SGCZ: variants seen among roughly 807,000 people sequenced by gnomAD.
SGCZ encodes zeta-sarcoglycan.
SGCZ carries 40 observed loss-of-function variants against 41.3 expected under a neutral mutation model. The ratio of observed to expected loss-of-function variants is 0.97; its 90% CI spans 0.75 to 1.26. The LOEUF (loss-of-function observed/expected upper bound fraction) is 1.26, where lower values mean the gene tolerates loss of function less well. Ranked by LOEUF, SGCZ falls within the 50% of genes most tolerant of loss-of-function variation. The pLI is 0.00. For missense variants in SGCZ, 552 were observed against 369.8 expected (o/e 1.49, Z -4.04); for synonymous variants, 206 against 137.5 (o/e 1.50, Z -3.49).
At chr8:14,994,401 C>CG (rs1802137441) in intron 1 of SGCZ, among the ~76,000 whole-genome samples, 1 of 152,010 alleles carries the variant, frequency 6.6e-6, no homozygotes, top group African/African-American at 2.4e-5. Context: ...CTGGACAACA[C>CG]GGTGAAACCC....
chr8:15,032,943 G>T (rs1196206203), intron 1 of SGCZ, among the ~76,000 whole-genome samples: 1 of 151,048 alleles, frequency 6.6e-6, no homozygotes, highest in Non-Finnish European at 1.5e-5. Flanking sequence ...AGCCCATTCA[G>T]TCCACATAAC....
intron 1 of SGCZ, among the ~76,000 whole-genome samples, chr8:14,738,845 A>G (rs1277660675): frequency 1.3e-5 from 2 of 151,998 alleles, no homozygotes; most frequent in South Asian, 2.1e-4. Context: ...CAGGACAGGG[A>G]GTAAGTGGAA....
rs368762128 is a variant in SGCZ at position 14,740,080 on chromosome 8, A to G, written c.40-185154T>C. The stretch of plus-strand genomic sequence containing the variant: ...ATTGGCAGCTAAAAACGTGAAGCAT[A>G]TAATAATAAAATGCATAAGTGATTG... On this transcript the variant is annotated intron_variant, in intron 1 of 7. Coordinates refer to ENST00000382080, the MANE Select transcript of SGCZ (RefSeq NM_139167.4). Among the ~76,000 whole-genome samples the G allele has an allele frequency of 1.1e-4, 16 of 152,156 alleles. No individual in the cohort carries two copies. The East Asian group carries it at 3.1e-3, about 29-fold the overall frequency.
At chr8:14,130,460 G>A (rs1355107707) in intron 5 of SGCZ, among the ~76,000 whole-genome samples, 5 of 151,330 alleles carry the variant, frequency 3.3e-5, no homozygotes, top group Non-Finnish European at 7.4e-5. Context: ...CTGACTAGGG[G>A]TTCCTGCCAT....
intron 1 of SGCZ, among the ~76,000 whole-genome samples, chr8:15,213,805 A>G (rs148585382): frequency 0.019 from 2,942 of 151,988 alleles, 34 homozygotes; most frequent in South Asian, 0.035. Context: ...ATTTATAATT[A>G]CTAGAATACT....
At chr8:14,297,453 C>T (rs192593893) in intron 3 of SGCZ, among the ~76,000 whole-genome samples, 1 of 151,008 alleles carries the variant, frequency 6.6e-6, no homozygotes, top group African/African-American at 2.4e-5. Context: ...GGAAAAGTAT[C>T]AAAAACAGAA....
chr8:15,139,708 A>C (rs559297295), intron 1 of SGCZ, among the ~76,000 whole-genome samples: 2 of 152,268 alleles, frequency 1.3e-5, no homozygotes, highest in Non-Finnish European at 2.9e-5. Flanking sequence ...TGTACATTAG[A>C]TCTCTAGACC....
At chr8:14,898,487 A>G (rs1283884794) in intron 1 of SGCZ, among the ~76,000 whole-genome samples, 2 of 152,228 alleles carry the variant, frequency 1.3e-5, no homozygotes, top group Non-Finnish European at 2.9e-5. Flanking sequence ...ATATTGGGCC[A>G]GGGACTGATA....
chr8:14,444,800 C>T, intron 2 of SGCZ, among the ~76,000 whole-genome samples: 1 of 151,970 alleles, frequency 6.6e-6, no homozygotes, highest in East Asian at 1.9e-4. Flanking sequence ...TACCCTAAAA[C>T]TTAAAGTATA....
intron 1 of SGCZ, among the ~76,000 whole-genome samples, chr8:15,001,405 A>C (rs1802414996): frequency 6.6e-6 from 1 of 152,102 alleles, no homozygotes; most frequent in East Asian, 1.9e-4. Flanking sequence ...AGGTATCTGA[A>C]TCAGTCGTGT....
chr8:15,110,793 A>G (rs1281589121), intron 1 of SGCZ, among the ~76,000 whole-genome samples: 3 of 152,030 alleles, frequency 2.0e-5, no homozygotes, highest in African/African-American at 7.2e-5. Flanking sequence ...ACATGGAGAA[A>G]CCCTGTCTCT....
intron 1 of SGCZ, among the ~76,000 whole-genome samples, chr8:15,190,358 A>G (rs1205261571): frequency 6.6e-6 from 1 of 152,054 alleles, no homozygotes; most frequent in African/African-American, 2.4e-5. Context: ...TCATTCATTC[A>G]TTCATTCATC....
chr8:15,017,636 G>T (rs1489131747), intron 1 of SGCZ, among the ~76,000 whole-genome samples: 1 of 151,982 alleles, frequency 6.6e-6, no homozygotes, highest in East Asian at 1.9e-4. Context: ...CTCCCATGTA[G>T]CTGGGACCAC....
At chr8:15,152,930 T>C (rs1585617871) in intron 1 of SGCZ, among the ~76,000 whole-genome samples, 1 of 152,200 alleles carries the variant, frequency 6.6e-6, no homozygotes, top group Non-Finnish European at 1.5e-5. Flanking sequence ...GTCTCCTGGG[T>C]AGAGGAAAGG....
At chr8:14,756,508 G>T (rs1459328345) in intron 1 of SGCZ, among the ~76,000 whole-genome samples, 1 of 152,042 alleles carries the variant, frequency 6.6e-6, no homozygotes, top group South Asian at 2.1e-4. Context: ...TTTGTTTCTT[G>T]TTCCCTTTTC....
At chr8:14,606,510 T>C (rs1329449473) in intron 1 of SGCZ, among the ~76,000 whole-genome samples, 1 of 152,190 alleles carries the variant, frequency 6.6e-6, no homozygotes, top group African/African-American at 2.4e-5. Flanking sequence ...CTCCGTCTTC[T>C]GGTATCCACC....
At position 14,245,306 on chromosome 8, in the gene SGCZ, C is replaced by A. The variant is rs958233861; in HGVS notation, c.337-7627G>T. Reference sequence around the variant, plus strand: ...AATAACGCCGCATATCTACAACTATCTGATCTTTGACAAACCTGACAAAAA... The same window carrying A: ...AATAACGCCGCATATCTACAACTATATGATCTTTGACAAACCTGACAAAAA... On this transcript the variant is annotated intron_variant, in intron 3 of 7. Coordinates refer to ENST00000382080, the MANE Select transcript of SGCZ (RefSeq NM_139167.4). Among the ~76,000 whole-genome samples the A allele has an allele frequency of 2.7e-4, 41 of 152,152 alleles. 1 individual carries two copies. The highest frequency in any genetic ancestry group is 5.2e-4 in the Admixed American group (8 of 15,282).
In SGCZ at chr8:14,496,467, T is replaced by A. The variant is rs149545617; in HGVS notation, c.234+58265A>T. Among the ~76,000 whole-genome samples the A allele has an allele frequency of 2.0e-3, 305 of 152,238 alleles. 4 individuals are homozygous for A. The highest frequency in any genetic ancestry group is 6.8e-3 in the African/African-American group (284 of 41,538). On this transcript the variant is annotated intron_variant, in intron 2 of 7. Coordinates refer to ENST00000382080, the MANE Select transcript of SGCZ (RefSeq NM_139167.4). ...TGAGTATTTTCTTCCCATACACCCA[T>A]GGGAGTATTTGGTGCATCTTACTAC...
intron 1 of SGCZ, among the ~76,000 whole-genome samples, chr8:14,966,780 C>T (rs908379271): frequency 4.0e-5 from 6 of 151,834 alleles, no homozygotes; most frequent in African/African-American, 7.3e-5. Flanking sequence ...ATGTGTTATC[C>T]AAGATGGAGA....
Sources: allele counts gnomAD v4.1 joint callset (sites outside exome capture counted in the v4.1 genomes callset), GRCh38; gene constraint gnomAD v4.1.1; transcripts MANE v1.5; gene names NCBI Gene and HGNC (gene_info 2026-07-23, HGNC 2026-07-21).